Variants in WIF1 observed in about 807,000 individuals in gnomAD.
The protein encoded by WIF1 is Wnt inhibitory factor 1.
WIF1 carries 35 observed loss-of-function variants against 53.5 expected under a neutral mutation model. The observed-to-expected ratio is 0.65, with a 90% confidence interval of 0.50 to 0.87. The LOEUF (loss-of-function observed/expected upper bound fraction) is 0.87. WIF1 is among the 40% of genes least tolerant of loss of function. The pLI, the probability that WIF1 is intolerant of heterozygous loss-of-function variation, is 0.00. For synonymous variants in WIF1, 171 were observed against 170.4 expected (o/e 1.00, Z -0.03); for missense variants, 467 against 476.8 (o/e 0.98, Z 0.19).
chr12:65,078,474 T>C (rs969789735), intron 2 of WIF1, among the ~76,000 whole-genome samples: 2 of 152,204 alleles, frequency 1.3e-5, no homozygotes, highest in Non-Finnish European at 2.9e-5. Context: ...AAACCAGTCA[T>C]TGACTAGAAT....
chr12:65,105,965 C>T (rs1216877952), intron 2 of WIF1, among the ~76,000 whole-genome samples: 1 of 152,168 alleles, frequency 6.6e-6, no homozygotes, highest in Non-Finnish European at 1.5e-5. Flanking sequence ...GCCATAAGTC[C>T]TGTAGAGAAT....
At position 65,089,327 on chromosome 12, in the gene WIF1, C is replaced by T. The variant is rs183649568; in HGVS notation, c.289-11473G>A. Among the ~76,000 whole-genome samples, 29 of 152,252 alleles carry T rather than the reference C, an allele frequency of 1.9e-4. 1 individual carries two copies. The highest frequency in any genetic ancestry group is 3.4e-3 in the Middle Eastern group (1 of 294). On this transcript the variant is annotated intron_variant, in intron 2 of 9. Coordinates refer to ENST00000286574, the MANE Select transcript of WIF1 (RefSeq NM_007191.5). ...CCTCCACAAATTCTCATTGATTTCT[C>T]AGCTTTATTCCTGTCTTTTCCTTCC... is the stretch of plus-strand genomic sequence containing the variant.
intron 6 of WIF1, among the ~76,000 whole-genome samples, chr12:65,063,250 C>T (rs1463214842): frequency 6.6e-6 from 1 of 151,390 alleles, no homozygotes; most frequent in Non-Finnish European, 1.5e-5. Flanking sequence ...AGTAATCACA[C>T]TTCGTGATTC....
At chr12:65,065,225 G>C (rs1195843810) in intron 6 of WIF1, among the ~76,000 whole-genome samples, 1 of 152,116 alleles carries the variant, frequency 6.6e-6, no homozygotes, top group Non-Finnish European at 1.5e-5. Flanking sequence ...AGGGACAGGA[G>C]GGTCAATGGC....
At chr12:65,059,550 T>C (rs570347860) in intron 7 of WIF1, among the ~76,000 whole-genome samples, 1 of 152,334 alleles carries the variant, frequency 6.6e-6, no homozygotes, top group South Asian at 2.1e-4. Context: ...ACAAGATGTA[T>C]GTACACACCA....
intron 2 of WIF1, among the ~76,000 whole-genome samples, chr12:65,080,518 C>A (rs556276146): frequency 6.6e-5 from 10 of 152,174 alleles, no homozygotes; most frequent in African/African-American, 2.4e-4. Context: ...TTTCATGAAT[C>A]CAGGTGTTTT....
intron 7 of WIF1, among the ~76,000 whole-genome samples, chr12:65,060,355 G>T (rs898129781): frequency 3.3e-5 from 5 of 152,162 alleles, no homozygotes; most frequent in Non-Finnish European, 5.9e-5. Context: ...AATATTATTT[G>T]GCAATAAAAA....
chr12:65,109,921 A>T (rs1236782958), intron 2 of WIF1, among the ~76,000 whole-genome samples: 1 of 152,206 alleles, frequency 6.6e-6, no homozygotes, highest in East Asian at 1.9e-4. Context: ...AGGATACACA[A>T]AGAGTATTTG....
intron 2 of WIF1, among the ~76,000 whole-genome samples, chr12:65,093,270 T>C (rs953296603): frequency 1.3e-5 from 2 of 152,158 alleles, no homozygotes; most frequent in African/African-American, 4.8e-5. Context: ...TTACACATGA[T>C]GGCATTTTGC....
At chr12:65,090,362 A>G (rs1049848041) in intron 2 of WIF1, among the ~76,000 whole-genome samples, 2 of 152,152 alleles carry the variant, frequency 1.3e-5, no homozygotes, top group East Asian at 3.9e-4. Context: ...ACATATATGT[A>G]TGGAGTGTGC....
At chr12:65,082,307 A>G (rs902895685) in intron 2 of WIF1, among the ~76,000 whole-genome samples, 5 of 152,210 alleles carry the variant, frequency 3.3e-5, no homozygotes, top group Non-Finnish European at 7.4e-5. Flanking sequence ...TTATTTAGAT[A>G]AAAGGAACTC....
At chr12:65,059,955 A>T (rs1362838362) in intron 7 of WIF1, among the ~76,000 whole-genome samples, 1 of 151,992 alleles carries the variant, frequency 6.6e-6, no homozygotes, top group Non-Finnish European at 1.5e-5. Context: ...CCCAGGTGAG[A>T]CGGCATCATT....
chr12:65,118,128 C>A (rs761517081), intron 2 of WIF1, among the ~76,000 whole-genome samples: 13 of 152,198 alleles, frequency 8.5e-5, no homozygotes, highest in Non-Finnish European at 1.6e-4. Context: ...AAATTTAAAA[C>A]TTCATTAATG....
At chr12:65,061,340 G>A (rs1175491132) in intron 7 of WIF1, among the ~76,000 whole-genome samples, 6 of 152,046 alleles carry the variant, frequency 3.9e-5, no homozygotes, top group African/African-American at 1.2e-4. Flanking sequence ...AACACTGTTC[G>A]GCTGTACCAA....
At chr12:65,090,027 T>A (rs1265422163) in intron 2 of WIF1, among the ~76,000 whole-genome samples, 2 of 152,220 alleles carry the variant, frequency 1.3e-5, no homozygotes, top group East Asian at 3.8e-4. Flanking sequence ...ACTCACCTTT[T>A]ACCATGTCCA....
chr12:65,069,809 G>A (rs1882745667), intron 3 of WIF1, among the ~76,000 whole-genome samples: 1 of 152,132 alleles, frequency 6.6e-6, no homozygotes, highest in Non-Finnish European at 1.5e-5. Flanking sequence ...AATCAGATGT[G>A]ATCATTTGCT....
At chr12:65,051,616 A>G (rs1011692656) in intron 9 of WIF1, 146 bp from the exon 10 acceptor site, 23 of 1,056,980 alleles carry the variant, frequency 2.2e-5, no homozygotes, top group Non-Finnish European at 2.9e-5. Flanking sequence ...ACCTGAATGA[A>G]GAGATCTCTG....
At chr12:65,094,544 G>A (rs1164187853) in intron 2 of WIF1, among the ~76,000 whole-genome samples, 5 of 151,926 alleles carry the variant, frequency 3.3e-5, no homozygotes, top group Non-Finnish European at 5.9e-5. Flanking sequence ...CTTCGCTTTG[G>A]GAGGAAGGGA....
intron 2 of WIF1, among the ~76,000 whole-genome samples, chr12:65,111,577 T>C (rs1883431415): frequency 6.6e-6 from 1 of 152,146 alleles, no homozygotes; most frequent in Non-Finnish European, 1.5e-5. Context: ...GCTAACTCAA[T>C]AGTGAGACTC....
Sources: allele counts gnomAD v4.1 joint callset (sites outside exome capture counted in the v4.1 genomes callset), GRCh38; gene constraint gnomAD v4.1.1; transcripts MANE v1.5; gene names NCBI Gene and HGNC (gene_info 2026-07-23, HGNC 2026-07-21).